Variants in CDH12 observed in about 807,000 individuals in gnomAD.
CDH12 encodes the protein cadherin-12.
Under a neutral mutation model 74.1 loss-of-function variants are expected in CDH12, and 41 were observed. The ratio of observed to expected loss-of-function variants is 0.55; its 90% CI spans 0.43 to 0.72. CDH12 has a LOEUF of 0.72. CDH12 is among the 30% of genes least tolerant of loss of function. The pLI, the probability that CDH12 is intolerant of heterozygous loss-of-function variation, is 0.00. For synonymous variants in CDH12, 399 were observed against 355.0 expected, an observed-to-expected ratio of 1.12 and a Z score of -1.39; for missense variants, 945 against 977.2, an observed-to-expected ratio of 0.97 and a Z score of 0.44.
intron 1 of CDH12, among the ~76,000 whole-genome samples, chr5:22,606,708 T>C (rs960134517): frequency 5.9e-5 from 9 of 152,100 alleles, no homozygotes; most frequent in Non-Finnish European, 1.3e-4. Flanking sequence ...AGCATGAAAA[T>C]GGACTAATAC....
chr5:22,792,077 G>A (rs199537019), intron 1 of CDH12, among the ~76,000 whole-genome samples: 1 of 147,442 alleles, frequency 6.8e-6, no homozygotes, highest in Non-Finnish European at 1.5e-5. Context: ...AGGATATCAT[G>A]AACTAGGGCT....
intron 1 of CDH12, among the ~76,000 whole-genome samples, chr5:22,741,674 T>C (rs1403699445): frequency 6.6e-6 from 1 of 152,166 alleles, no homozygotes; most frequent in Non-Finnish European, 1.5e-5. Flanking sequence ...TGTATGTGTC[T>C]CCTTAGGAGC....
chr5:22,662,533 A>G (rs1024579970), intron 1 of CDH12, among the ~76,000 whole-genome samples: 1 of 152,218 alleles, frequency 6.6e-6, no homozygotes, highest in African/African-American at 2.4e-5. Flanking sequence ...TTTGGCCAAC[A>G]CTTTGTTAAA....
intron 4 of CDH12, among the ~76,000 whole-genome samples, chr5:22,210,802 A>T (rs1420161758): frequency 6.6e-6 from 1 of 151,610 alleles, no homozygotes; most frequent in Non-Finnish European, 1.5e-5. Flanking sequence ...CTGTTTGGTT[A>T]ATGTTGCCTC....
chr5:21,854,506 G>A (rs1277339402), intron 7 of CDH12, among the ~76,000 whole-genome samples, 165 bp downstream of exon 7: 3 of 151,752 alleles, frequency 2.0e-5, no homozygotes, highest in Non-Finnish European at 4.4e-5. Context: ...CTTAAATGGA[G>A]ATCGTTCTTC....
chr5:22,741,790 G>A (rs1271983520), intron 1 of CDH12, among the ~76,000 whole-genome samples: 1 of 152,158 alleles, frequency 6.6e-6, no homozygotes, highest in African/African-American at 2.4e-5. Flanking sequence ...AAGTGCAAGG[G>A]TTTACCACCA....
intron 3 of CDH12, among the ~76,000 whole-genome samples, chr5:22,238,883 C>T (rs1752650917): frequency 6.6e-6 from 1 of 152,098 alleles, no homozygotes; most frequent in Non-Finnish European, 1.5e-5. Flanking sequence ...CAAATAATGT[C>T]CAACCTTTTA....
At chr5:22,491,494 C>A (rs1448341519) in intron 2 of CDH12, among the ~76,000 whole-genome samples, 5 of 151,090 alleles carry the variant, frequency 3.3e-5, no homozygotes, top group Non-Finnish European at 1.5e-5. Context: ...AATAACATAT[C>A]AAAGACTAGA....
intron 2 of CDH12, among the ~76,000 whole-genome samples, chr5:22,418,916 C>A (rs1174790489): frequency 6.6e-6 from 1 of 151,854 alleles, no homozygotes; most frequent in African/African-American, 2.4e-5. Flanking sequence ...ATATAAATAG[C>A]TTTTCTTATT....
In CDH12 at chr5:22,554,173, A is replaced by G. The variant is rs570051771; in HGVS notation, c.-522-48809T>C. On this transcript the variant is annotated intron_variant, in intron 1 of 14. Transcript: ENST00000382254. The stretch of plus-strand genomic sequence containing the variant: ...ATTAGGGAGAGGGTGGAATGAATAC[A>G]TGCAACACAGAGGATTTTTAGGGCA... Among the ~76,000 whole-genome samples, 6 of 152,294 alleles carry G rather than the reference A, an allele frequency of 3.9e-5. No homozygotes were observed. In the East Asian group the frequency reaches 7.7e-4, roughly 20 times the overall value.
chr5:22,689,366 C>T (rs1445856443), intron 1 of CDH12, among the ~76,000 whole-genome samples: 3 of 152,138 alleles, frequency 2.0e-5, no homozygotes, highest in Non-Finnish European at 4.4e-5. Flanking sequence ...AATGGATACA[C>T]TGGAAAAAGT....
chr5:22,106,699 G>A (rs62349106), intron 4 of CDH12, among the ~76,000 whole-genome samples: 20 of 152,264 alleles, frequency 1.3e-4, no homozygotes, highest in South Asian at 8.3e-4. Context: ...CTGGGAAAAC[G>A]TCCAAGAACT....
chr5:22,698,310 T>C (rs566856263), intron 1 of CDH12, among the ~76,000 whole-genome samples: 1 of 151,332 alleles, frequency 6.6e-6, no homozygotes, highest in Non-Finnish European at 1.5e-5. Context: ...TTAGTAGAGA[T>C]GGGGTTCACC....
intron 1 of CDH12, among the ~76,000 whole-genome samples, chr5:22,618,098 T>C (rs1427130738): frequency 1.3e-5 from 2 of 152,072 alleles, no homozygotes; most frequent in East Asian, 3.9e-4. Context: ...CCTCCAAAAT[T>C]AATGCACTTT....
intron 6 of CDH12, among the ~76,000 whole-genome samples, chr5:21,936,424 A>C (rs1361774871): frequency 6.6e-6 from 1 of 152,040 alleles, no homozygotes; most frequent in Non-Finnish European, 1.5e-5. Flanking sequence ...TATTTAATAG[A>C]TATGTATTAA....
chr5:22,305,542 G>A (rs1210671816), intron 3 of CDH12, among the ~76,000 whole-genome samples: 7 of 148,914 alleles, frequency 4.7e-5, no homozygotes, highest in African/African-American at 1.7e-4. Context: ...CCCATCTTCA[G>A]ATGGTCCTTG....
At chr5:22,631,126 C>G (rs541130505) in intron 1 of CDH12, among the ~76,000 whole-genome samples, 4 of 152,148 alleles carry the variant, frequency 2.6e-5, no homozygotes, top group African/African-American at 9.6e-5. Context: ...ACTAAAAAGT[C>G]AAAAAATAAC....
intron 4 of CDH12, among the ~76,000 whole-genome samples, chr5:22,145,383 G>A (rs539825037): frequency 1.3e-4 from 19 of 151,926 alleles, no homozygotes; most frequent in African/African-American, 4.3e-4. Flanking sequence ...TTGTCAGCTC[G>A]TTCATGAAAG....
At chr5:22,591,774 T>A (rs1265339750) in intron 1 of CDH12, among the ~76,000 whole-genome samples, 2 of 152,202 alleles carry the variant, frequency 1.3e-5, no homozygotes, top group African/African-American at 2.4e-5. Flanking sequence ...TTATTATCTA[T>A]GTGCACATAC....
Sources: gnomAD v4.1 joint callset for allele counts (sites outside exome capture counted in the v4.1 genomes callset) on GRCh38, gnomAD v4.1.1 for gene constraint, MANE v1.5 for transcripts, NCBI Gene and HGNC (gene_info 2026-07-23, HGNC 2026-07-21) for gene names.